The following TOP6BL variants were observed in gnomAD, a reference collection of about 807,000 sequenced individuals.
The protein encoded by TOP6BL is TOP6B like initiator of meiotic double strand breaks.
the TOP6BL span, among the ~76,000 whole-genome samples, chr11:66,779,060 C>G: frequency 6.6e-6 from 1 of 152,170 alleles, no homozygotes; most frequent in Admixed American, 6.5e-5. Flanking sequence ...CATAAAAACT[C>G]TAGAAGAAAA....
the TOP6BL span, among the ~76,000 whole-genome samples, chr11:66,768,742 A>G: frequency 1.4e-5 from 2 of 148,020 alleles, no homozygotes; most frequent in Non-Finnish European, 3.0e-5. Context: ...GCACTTCACT[A>G]TTGAGAACAT....
chr11:66,827,230 A>G, the TOP6BL span, among the ~76,000 whole-genome samples: 4 of 150,502 alleles, frequency 2.7e-5, no homozygotes, highest in East Asian at 7.9e-4. Flanking sequence ...TTGTATTTTC[A>G]GTAGAGACAG....
chr11:66,805,125 T>G, the TOP6BL span, among the ~76,000 whole-genome samples: 1 of 152,072 alleles, frequency 6.6e-6, no homozygotes, highest in Non-Finnish European at 1.5e-5. Flanking sequence ...TCCCATCTAC[T>G]TGGGAGGCTG....
At chr11:66,815,963 C>A in the TOP6BL span, 1 of 1,290,642 alleles carries the variant, frequency 7.7e-7, no homozygotes, top group Non-Finnish European at 1.1e-6. Flanking sequence ...TTCTCAGATC[C>A]TTCTTTGTTC....
At chr11:66,746,416 G>C in the TOP6BL span, among the ~76,000 whole-genome samples, 1 of 151,796 alleles carries the variant, frequency 6.6e-6, no homozygotes, top group Non-Finnish European at 1.5e-5. Context: ...AGGAAACTCC[G>C]TCTCTGAAAA....
chr11:66,821,765 G>A, the TOP6BL span: 1 of 1,613,118 alleles, frequency 6.2e-7, no homozygotes, highest in South Asian at 1.1e-5. Context: ...GGCTGCCAAG[G>A]TAATAAGGAA....
the TOP6BL span, among the ~76,000 whole-genome samples, chr11:66,775,405 A>G: frequency 6.6e-6 from 1 of 152,154 alleles, no homozygotes; most frequent in Non-Finnish European, 1.5e-5. Flanking sequence ...AGGTGTTATT[A>G]TTTGTTCAAA....
At chr11:66,787,277 G>A in the TOP6BL span, among the ~76,000 whole-genome samples, 15 of 152,020 alleles carry the variant, frequency 9.9e-5, no homozygotes, top group African/African-American at 3.6e-4. Context: ...CTTTTTTGAG[G>A]TGGTTAAAAC....
At chr11:66,842,969 A>G in the TOP6BL span, 1 of 1,551,222 alleles carries the variant, frequency 6.4e-7, no homozygotes, top group Non-Finnish European at 8.7e-7. Flanking sequence ...CGCCGCCCGG[A>G]AGCCACCGCG....
the TOP6BL span, among the ~76,000 whole-genome samples, chr11:66,813,007 A>G: frequency 0.01 from 1,549 of 152,278 alleles, 14 homozygotes; most frequent in Non-Finnish European, 0.018. Flanking sequence ...TCAGAGATAG[A>G]AACCATTTCA....
the TOP6BL span, chr11:66,748,268 T>A: frequency 1.2e-6 from 1 of 854,616 alleles, no homozygotes; most frequent in Non-Finnish European, 1.7e-6. Context: ...GAAGCAAGAA[T>A]ACAATTTTTG....
chr11:66,775,397 G>A, the TOP6BL span, among the ~76,000 whole-genome samples: 2 of 152,180 alleles, frequency 1.3e-5, no homozygotes, highest in African/African-American at 4.8e-5. Context: ...ATTTTGCCAG[G>A]TGTTATTATT....
chr11:66,758,448 A>C, the TOP6BL span: 1 of 151,420 alleles, frequency 6.6e-6, no homozygotes, highest in African/African-American at 2.4e-5. Context: ...AGTAGCTGGG[A>C]CTGCAGGCAC....
At chr11:66,763,406 G>A in the TOP6BL span, among the ~76,000 whole-genome samples, 1 of 151,918 alleles carries the variant, frequency 6.6e-6, no homozygotes, top group Non-Finnish European at 1.5e-5. Context: ...AATGTTTTTT[G>A]TTTTATTTTG....
chr11:66,838,687 G>T, the TOP6BL span, among the ~76,000 whole-genome samples: 1 of 152,110 alleles, frequency 6.6e-6, no homozygotes, highest in African/African-American at 2.4e-5. Context: ...TGCACATGAT[G>T]GGGTGGGGGT....
chr11:66,767,560 A>G, the TOP6BL span, among the ~76,000 whole-genome samples: 1 of 152,168 alleles, frequency 6.6e-6, no homozygotes, highest in African/African-American at 2.4e-5. Context: ...TATTGACATA[A>G]CTTAGCTCTT....
the TOP6BL span, among the ~76,000 whole-genome samples, chr11:66,819,809 A>G: frequency 6.6e-6 from 1 of 151,604 alleles, no homozygotes; most frequent in East Asian, 1.9e-4. Flanking sequence ...AGGCTGAGGC[A>G]AGATAATCAC....
chr11:66,744,816 A>AGGGGGCGGCGGCGGC, the TOP6BL span: 9 of 946,550 alleles, frequency 9.5e-6, no homozygotes, highest in East Asian at 2.3e-4. Flanking sequence ...CGGGCTGAGG[A>AGGGGGCGGCGGCGGC]GGGGGCGGCG....
At chr11:66,763,462 G>T in the TOP6BL span, among the ~76,000 whole-genome samples, 1 of 152,076 alleles carries the variant, frequency 6.6e-6, no homozygotes, top group African/African-American at 2.4e-5. Flanking sequence ...TAAAAAATGA[G>T]ATTTTAAACA....
Sources: gnomAD v4.1 joint callset for allele counts (sites outside exome capture counted in the v4.1 genomes callset) on GRCh38, gnomAD v4.1.1 for gene constraint, MANE v1.5 for transcripts, NCBI Gene and HGNC (gene_info 2026-07-23, HGNC 2026-07-21) for gene names.